The following SPDYE10 variants were observed in gnomAD, a reference collection of about 807,000 sequenced individuals.
The protein encoded by SPDYE10 is speedy protein E10.
the SPDYE10 span, among the ~76,000 whole-genome samples, chr7:73,113,894 C>T: frequency 6.6e-5 from 10 of 151,996 alleles, no homozygotes; most frequent in South Asian, 4.1e-4. Flanking sequence ...GGCATGGTTG[C>T]GGGCACCTGT....
At chr7:73,145,166 CTT>C in the SPDYE10 span, among the ~76,000 whole-genome samples, 2 of 117,202 alleles carry the variant, frequency 1.7e-5, no homozygotes, top group Non-Finnish European at 3.5e-5. Flanking sequence ...CTTTCTTTCT[CTT>C]TCTCTCTCTC....
the SPDYE10 span, among the ~76,000 whole-genome samples, chr7:73,150,943 TATATA>T: frequency 6.2e-4 from 11 of 17,820 alleles, no homozygotes; most frequent in South Asian, 2.7e-3. Flanking sequence ...TATATATATA[TATATA>T]TTTTTTTTTT....
At chr7:73,115,326 T>C in the SPDYE10 span, among the ~76,000 whole-genome samples, 1 of 152,144 alleles carries the variant, frequency 6.6e-6, no homozygotes, top group Admixed American at 6.5e-5. Flanking sequence ...TACTCCTTTC[T>C]TTCCCAACAA....
At chr7:73,143,332 C>T in the SPDYE10 span, among the ~76,000 whole-genome samples, 1 of 151,882 alleles carries the variant, frequency 6.6e-6, no homozygotes, top group African/African-American at 2.4e-5. Context: ...CCAGCATCTG[C>T]TGCTAGTGAG....
chr7:73,149,082 G>A, the SPDYE10 span, among the ~76,000 whole-genome samples: 4 of 152,012 alleles, frequency 2.6e-5, no homozygotes, highest in East Asian at 7.7e-4. Flanking sequence ...CTGGGCTCAA[G>A]TGATCCTCCC....
At chr7:73,134,551 A>AAGAAAGAAAGAAAGAAAGAAAG in the SPDYE10 span, among the ~76,000 whole-genome samples, 4 of 152,114 alleles carry the variant, frequency 2.6e-5, no homozygotes, top group Non-Finnish European at 5.9e-5. Flanking sequence ...GAAAGAAAGA[A>AAGAAAGAAAGAAAGAAAGAAAG]AGAAAGAAAG....
the SPDYE10 span, among the ~76,000 whole-genome samples, chr7:73,137,553 A>AG: frequency 6.7e-6 from 1 of 150,122 alleles, no homozygotes; most frequent in Non-Finnish European, 1.5e-5. Context: ...AGAAAGAAAG[A>AG]GAAAGAAAGA....
the SPDYE10 span, among the ~76,000 whole-genome samples, chr7:73,137,979 C>G: frequency 1.3e-5 from 2 of 149,324 alleles, no homozygotes; most frequent in Non-Finnish European, 3.0e-5. Context: ...CTAACAGACT[C>G]CAGATACCAG....
At chr7:73,123,788 C>CCCTCTCT in the SPDYE10 span, among the ~76,000 whole-genome samples, 173 of 97,482 alleles carry the variant, frequency 1.8e-3, no homozygotes, top group Admixed American at 7.9e-3. Flanking sequence ...TCTCTCTCTC[C>CCCTCTCT]CTCTCTCTCT....
At chr7:73,143,263 T>C in the SPDYE10 span, among the ~76,000 whole-genome samples, 1 of 152,116 alleles carries the variant, frequency 6.6e-6, no homozygotes, top group Non-Finnish European at 1.5e-5. Context: ...CTGGGTGATT[T>C]ATAAAGAAAA....
chr7:73,123,095 ATT>A, the SPDYE10 span, among the ~76,000 whole-genome samples: 1 of 151,956 alleles, frequency 6.6e-6, no homozygotes, highest in Non-Finnish European at 1.5e-5. Flanking sequence ...GGCAGATGGC[ATT>A]GTCTCTGCTT....
the SPDYE10 span, among the ~76,000 whole-genome samples, chr7:73,113,823 C>G: frequency 9.2e-5 from 14 of 152,046 alleles, no homozygotes; most frequent in African/African-American, 3.1e-4. Context: ...ATCACGAGAT[C>G]AGGAGATCGA....
chr7:73,128,043 G>GA, the SPDYE10 span, among the ~76,000 whole-genome samples: 119 of 147,810 alleles, frequency 8.1e-4, 3 homozygotes, highest in South Asian at 0.014. Context: ...TAAAACAAGA[G>GA]AAAAAAACAG....
At chr7:73,123,788 C>CCTCTCTCTCCCTCTCTCTCT in the SPDYE10 span, among the ~76,000 whole-genome samples, 3 of 97,458 alleles carry the variant, frequency 3.1e-5, no homozygotes, top group African/African-American at 1.5e-4. Context: ...TCTCTCTCTC[C>CCTCTCTCTCCCTCTCTCTCT]CTCTCTCTCT....
the SPDYE10 span, chr7:73,155,371 C>G: frequency 3.2e-6 from 1 of 313,400 alleles, no homozygotes; most frequent in Admixed American, 5.7e-5. Context: ...CGGCGCCGGC[C>G]GGGGACAGAC....
the SPDYE10 span, among the ~76,000 whole-genome samples, chr7:73,124,966 C>A: frequency 6.8e-6 from 1 of 146,466 alleles, no homozygotes; most frequent in Admixed American, 6.7e-5. Flanking sequence ...CAGACCTCAT[C>A]CCCAGGAGGC....
At chr7:73,137,873 A>AGAAGGGGAGGGGAAGGAGAGGG in the SPDYE10 span, among the ~76,000 whole-genome samples, 1,232 of 52,156 alleles carry the variant, frequency 0.024, no homozygotes, top group East Asian at 0.076. Flanking sequence ...GAAGGAGAGG[A>AGAAGGGGAGGGGAAGGAGAGGG]GAAGGGGAGG....
chr7:73,114,878 G>A, the SPDYE10 span, among the ~76,000 whole-genome samples: 1 of 145,094 alleles, frequency 6.9e-6, no homozygotes, highest in Non-Finnish European at 1.5e-5. Flanking sequence ...TGGGAACAGA[G>A]TCAGCTCCAC....
chr7:73,137,455 G>A, the SPDYE10 span, among the ~76,000 whole-genome samples: 1 of 150,406 alleles, frequency 6.6e-6, no homozygotes, highest in East Asian at 1.9e-4. Context: ...CTGGAAGGCA[G>A]AGGTTGCAGT....
Sources: allele counts gnomAD v4.1 joint callset (sites outside exome capture counted in the v4.1 genomes callset), GRCh38; gene constraint gnomAD v4.1.1; transcripts MANE v1.5; gene names NCBI Gene and HGNC (gene_info 2026-07-23, HGNC 2026-07-21).